The following LHCGR variants were observed in gnomAD, a reference collection of about 807,000 sequenced individuals.
LHCGR encodes lutropin-choriogonadotropic hormone receptor.
In LHCGR, 55 loss-of-function variants were observed where a neutral mutation model predicts 60.7. The ratio of observed to expected loss-of-function variants is 0.91; its 90% CI spans 0.73 to 1.13. The LOEUF (loss-of-function observed/expected upper bound fraction) is 1.13. Among genes scored for constraint, LHCGR ranks in the 50% most tolerant of loss-of-function variants. The pLI, the probability that LHCGR is intolerant of heterozygous loss-of-function variation, is 0.00. For missense variants in LHCGR, 862 were observed against 836.0 expected, an observed-to-expected ratio of 1.03 and a Z score of -0.38; for synonymous variants, 337 against 316.5, an observed-to-expected ratio of 1.06 and a Z score of -0.69.
chr2:48,732,254 G>C (rs1243364097), intron 1 of LHCGR, among the ~76,000 whole-genome samples: 3 of 152,212 alleles, frequency 2.0e-5, no homozygotes, highest in African/African-American at 7.2e-5. Flanking sequence ...TGGCAGAGAG[G>C]AAGGGAGTGG....
At chr2:48,742,492 C>T (rs1213378798) in intron 1 of LHCGR, among the ~76,000 whole-genome samples, 1 of 151,878 alleles carries the variant, frequency 6.6e-6, no homozygotes, top group Non-Finnish European at 1.5e-5. Flanking sequence ...AACAAACTAT[C>T]TCTCAGACCG....
intron 6 of LHCGR, among the ~76,000 whole-genome samples, chr2:48,717,154 T>C (rs1404224849): frequency 6.6e-6 from 1 of 152,212 alleles, no homozygotes; most frequent in Middle Eastern, 3.2e-3. Flanking sequence ...ATGGAGTAGA[T>C]GAAGAAAAGA....
chr2:48,739,204 A>G (rs372474833), intron 1 of LHCGR, among the ~76,000 whole-genome samples: 7 of 152,286 alleles, frequency 4.6e-5, no homozygotes, highest in Admixed American at 1.3e-4. Flanking sequence ...ACACTTTTAC[A>G]CTGTTGGTGG....
intron 1 of LHCGR, among the ~76,000 whole-genome samples, chr2:48,752,263 GT>G (rs1558907927): frequency 4.6e-5 from 7 of 152,066 alleles, no homozygotes; most frequent in African/African-American, 1.7e-4. Context: ...CATGTACCTT[GT>G]TTTTTTTCTT....
intron 8 of LHCGR, among the ~76,000 whole-genome samples, chr2:48,699,113 T>G (rs1667276904): frequency 6.6e-6 from 1 of 152,148 alleles, no homozygotes; most frequent in Non-Finnish European, 1.5e-5. Context: ...CATGAGCCAC[T>G]GCGCCCGGCC....
chr2:48,695,425 A>G (rs905514271), intron 9 of LHCGR, among the ~76,000 whole-genome samples: 1 of 152,184 alleles, frequency 6.6e-6, no homozygotes, highest in African/African-American at 2.4e-5. Context: ...TTACAGTCTG[A>G]GAAAAGGGAA....
chr2:48,725,810 T>C, intron 3 of LHCGR, 60 bp from the exon 4 acceptor site: 2 of 1,326,886 alleles, frequency 1.5e-6, no homozygotes, highest in East Asian at 2.3e-5. Context: ...GTTTGAAATG[T>C]GTGAGATCAT....
intron 8 of LHCGR, among the ~76,000 whole-genome samples, chr2:48,699,031 A>G (rs1667271608): frequency 6.6e-6 from 1 of 152,014 alleles, no homozygotes; most frequent in South Asian, 2.1e-4. Context: ...TCACCGTGTT[A>G]GCCAGGATGG....
chr2:48,692,931 G>A (rs1409452687), intron 10 of LHCGR, among the ~76,000 whole-genome samples: 1 of 152,206 alleles, frequency 6.6e-6, no homozygotes, highest in Non-Finnish European at 1.5e-5. Context: ...TCTTAAAGCA[G>A]TGATAGCATA....
intron 1 of LHCGR, among the ~76,000 whole-genome samples, chr2:48,740,321 G>A (rs1229871262): frequency 6.6e-6 from 1 of 152,204 alleles, no homozygotes; most frequent in Non-Finnish European, 1.5e-5. Context: ...CAGGAAGCTC[G>A]AACTGGGTGG....
At chr2:48,689,748 C>G (rs944095691) in intron 10 of LHCGR, among the ~76,000 whole-genome samples, 1 of 151,970 alleles carries the variant, frequency 6.6e-6, no homozygotes, top group Non-Finnish European at 1.5e-5. Flanking sequence ...CGGAGTCTTG[C>G]TCTGTCACCA....
chr2:48,688,279 G>A lies in LHCGR; in HGVS notation c.1518C>T (p.Ser506=). Residue 506 remains serine (S), a synonymous_variant, in exon 11 of 11, where the codon AGC becomes AGT. Transcript: ENST00000294954. The surrounding 1 kb of genome is among the most constrained non-coding windows in gnomAD (Gnocchi z 5.2). ...AGCAAATACTGACCTTCATGTAATT[G>A]CTGACACCGACAAGGGGCAACATAG... is the stretch of plus-strand genomic sequence containing the variant. ...LIAMLPLVGV[S]NYMKVSICFP... 6.2e-7 allele frequency: 1 copy of A among 1,614,118 alleles called. No individual in the cohort carries two copies. Among genetic ancestry groups the A allele is most frequent in the Non-Finnish European group, 8.5e-7 (1 of 1,180,010 alleles).
intron 7 of LHCGR, among the ~76,000 whole-genome samples, chr2:48,711,728 G>T (rs1667998267): frequency 6.6e-6 from 1 of 152,010 alleles, no homozygotes; most frequent in Non-Finnish European, 1.5e-5. Flanking sequence ...TTAATATTCA[G>T]TTCTTTTATT....
At chr2:48,711,234 C>G (rs1160517288) in intron 7 of LHCGR, among the ~76,000 whole-genome samples, 1 of 152,204 alleles carries the variant, frequency 6.6e-6, no homozygotes, top group Admixed American at 6.5e-5. Context: ...CCCTCATACT[C>G]TCTCAGATCT....
intron 6 of LHCGR, among the ~76,000 whole-genome samples, chr2:48,722,523 C>G (rs957691885): frequency 2.0e-5 from 3 of 152,022 alleles, no homozygotes; most frequent in Non-Finnish European, 4.4e-5. Context: ...AGCACCATCC[C>G]CCTAGTGCTG....
At chr2:48,699,435 A>C (rs866309659) in intron 8 of LHCGR, among the ~76,000 whole-genome samples, 21 of 150,588 alleles carry the variant, frequency 1.4e-4, no homozygotes, top group Admixed American at 1.1e-3. Flanking sequence ...ACTTCTCTCT[A>C]CTTAGCAGAA....
chr2:48,732,638 C>T (rs1441502555), intron 1 of LHCGR, among the ~76,000 whole-genome samples: 1 of 152,076 alleles, frequency 6.6e-6, no homozygotes, highest in African/African-American at 2.4e-5. Context: ...CAATACTGGC[C>T]AAAGCATGTC....
At chr2:48,749,893 T>C (rs1669881831) in intron 1 of LHCGR, among the ~76,000 whole-genome samples, 1 of 152,188 alleles carries the variant, frequency 6.6e-6, no homozygotes, top group Non-Finnish European at 1.5e-5. Flanking sequence ...TATCATTCAC[T>C]TTCCCCAGCA....
intron 8 of LHCGR, chr2:48,708,693 C>G: frequency 1.7e-6 from 1 of 577,200 alleles, no homozygotes; most frequent in South Asian, 2.0e-5. Context: ...TCAGAGGGAG[C>G]CAACCCCTGC....
Sources: gnomAD v4.1 joint callset for allele counts (sites outside exome capture counted in the v4.1 genomes callset) on GRCh38, gnomAD v4.1.1 for gene constraint, Gnocchi (gnomAD v3.1) non-coding constraint, MANE v1.5 for transcripts, NCBI Gene and HGNC (gene_info 2026-07-23, HGNC 2026-07-21) for gene names.